TRIM45: variants seen among roughly 807,000 people sequenced by gnomAD.
TRIM45 encodes tripartite motif containing 45, also known as E3 ubiquitin-protein ligase TRIM45.
In TRIM45, 45 loss-of-function variants were observed where a neutral mutation model predicts 46.7. The ratio of observed to expected loss-of-function variants is 0.96; its 90% CI spans 0.76 to 1.24. The LOEUF is 1.24. Among genes scored for constraint, TRIM45 ranks in the 50% most tolerant of loss-of-function variants. The pLI is 0.00. For missense variants in TRIM45, 680 were observed against 728.4 expected, an observed-to-expected ratio of 0.93 and a Z score of 0.77; for synonymous variants, 259 against 285.8, an observed-to-expected ratio of 0.91 and a Z score of 0.94.
intron 1 of TRIM45, among the ~76,000 whole-genome samples, chr1:117,119,666 CTCTT>C (rs1478806640): frequency 2.6e-5 from 4 of 151,964 alleles, no homozygotes; most frequent in Non-Finnish European, 5.9e-5. Context: ...AATCAAAGCT[CTCTT>C]TCTAATTCCT....
In TRIM45 at chr1:117,113,629, A is replaced by G. The variant is rs773979073; in HGVS notation, c.1468-144T>C. 7.1e-6 allele frequency: 8 copies of G among 1,122,586 alleles called. No individual in the cohort carries two copies. The highest frequency in any genetic ancestry group is 9.9e-6 in the Non-Finnish European group (8 of 811,618). The allele number at this position is 1,122,586 out of a possible 1,614,324, so 69.5% of individuals were successfully genotyped here. A position where few individuals can be genotyped will look rare whatever the true frequency, so the allele number is the denominator to read the frequency against. On this transcript the variant is annotated intron_variant, in intron 4 of 5. Transcript: ENST00000256649. The surrounding 1 kb of genome is among the most constrained non-coding windows in gnomAD (Gnocchi z 4.0). ...CAACAGGAAAGAAACAGATTAGAGG[A>G]CAAGAACCCTGCTCAGCTGAGAGGA...
rs1415775824 is a variant in TRIM45 at position 117,118,122 on chromosome 1, C to T, written c.1134G>A (p.Glu378=). 3.1e-6 allele frequency: 5 copies of T among 1,614,124 alleles called. No individual in the cohort carries two copies. Among genetic ancestry groups the T allele is most frequent in the Non-Finnish European group, 4.2e-6 (5 of 1,180,060 alleles). Residue 378 remains glutamate (E), a synonymous_variant, in exon 2 of 6, where the codon GAG becomes GAA. Coordinates refer to ENST00000256649, the MANE Select transcript of TRIM45 (RefSeq NM_025188.4). This position sits in a 1 kb window ranked among gnomAD's most constrained non-coding sequence, Gnocchi z 5.7. ...VNDKIRFCPQ[E]KAGQCRGYEI... is the part of the protein sequence containing the mutation. Reference sequence around the variant, plus strand: ...CATAGCCACGGCACTGGCCTGCTTTCTCCTGAGGACAGAAGCGTATCTTAT... The same window carrying T: ...CATAGCCACGGCACTGGCCTGCTTTTTCCTGAGGACAGAAGCGTATCTTAT...
At chr1:117,123,260 C>T (rs2101368647), upstream of TRIM45, among the ~76,000 whole-genome samples, 1 of 152,264 alleles carries the variant, frequency 6.6e-6, no homozygotes, top group Admixed American at 6.5e-5. Context: ...ATTCGCCTCT[C>T]CAGTAGGCTG....
At position 117,115,381 on chromosome 1, in the gene TRIM45, A is replaced by G. The variant is rs1378448155; in HGVS notation, c.1467+194T>C. On this transcript the variant is annotated intron_variant, in intron 4 of 5. Coordinates refer to ENST00000256649, the MANE Select transcript of TRIM45 (RefSeq NM_025188.4). This position sits in a 1 kb window ranked among gnomAD's most constrained non-coding sequence, Gnocchi z 4.2. Reference sequence around the variant, plus strand: ...ATAACTGCCTGGAGGTGACACAGGGATACAGGGTTCTTATGGTCAACAGCA... The same window carrying G: ...ATAACTGCCTGGAGGTGACACAGGGGTACAGGGTTCTTATGGTCAACAGCA... 1.3e-5 allele frequency among the ~76,000 whole-genome samples: 2 copies of G among 152,226 alleles called. No homozygotes were observed. The highest frequency in any genetic ancestry group is 6.5e-5 in the Admixed American group (1 of 15,282).
rs1308969381 is a variant in TRIM45, at chr1:117,118,981, C to T, written c.489-214G>A. ...CTGAAAGAGCTGTTGTATAGAATAA[C>T]GTGTGAACAGACTAGGGCTCTGGCT... is the stretch of plus-strand genomic sequence containing the variant. On this transcript the variant is annotated intron_variant, in intron 1 of 5. Coordinates refer to ENST00000256649, the MANE Select transcript of TRIM45 (RefSeq NM_025188.4). This position sits in a 1 kb window ranked among gnomAD's most constrained non-coding sequence, Gnocchi z 5.7. Among the ~76,000 whole-genome samples the T allele has an allele frequency of 2.0e-5, 3 of 152,208 alleles. No homozygotes were observed.
At chr1:117,123,625 C>CT (rs111567538), upstream of TRIM45, among the ~76,000 whole-genome samples, 2,308 of 143,974 alleles carry the variant, frequency 0.016, 40 homozygotes, top group African/African-American at 0.049. Context: ...CTACCTTTCC[C>CT]TTTTTTTTTT....
At position 117,118,456 on chromosome 1, in the gene TRIM45, T is replaced by A; in HGVS notation, c.800A>T (p.Gln267Leu). ...AGCTGCCACTGCCTCCACTCGCTTCTGGAGGGCACTGTTTATTATGTGGAT... is the reference window on the plus strand; with the variant it reads ...AGCTGCCACTGCCTCCACTCGCTTCAGGAGGGCACTGTTTATTATGTGGAT... Reference protein sequence around the residue: ...AQIHIINSALQKRVEAVAADV... With the variant: ...AQIHIINSALLKRVEAVAADV... The change falls in exon 2 of 6, where the codon CAG (glutamine) becomes CTG (leucine). Residue 267 changes from glutamine to leucine, a missense_variant. By Grantham distance (113) the Gln-to-Leu change is moderately radical. This residue lies in a region of TRIM45 where 349 missense variants were observed against 343.6 expected (regional missense o/e 1.02). Coordinates refer to ENST00000256649, the MANE Select transcript of TRIM45 (RefSeq NM_025188.4). This position sits in a 1 kb window ranked among gnomAD's most constrained non-coding sequence, Gnocchi z 5.7. The A allele has an allele frequency of 6.2e-7, 1 of 1,614,016 alleles. No homozygotes were observed. The highest frequency in any genetic ancestry group is 2.2e-5 in the East Asian group (1 of 44,884).
chr1:117,113,871 C>G lies in TRIM45; in HGVS notation c.1468-386G>C, dbSNP rs533636766. 1.6e-4 allele frequency among the ~76,000 whole-genome samples: 25 copies of G among 152,338 alleles called. No homozygotes were observed. The highest frequency in any genetic ancestry group is 6.0e-4 in the African/African-American group (25 of 41,576). On this transcript the variant is annotated intron_variant, in intron 4 of 5. Coordinates refer to ENST00000256649, the MANE Select transcript of TRIM45 (RefSeq NM_025188.4). The surrounding 1 kb of genome is among the most constrained non-coding windows in gnomAD (Gnocchi z 4.0). ...GGCAAGATGGCAGCAAAAGCAGAAG[C>G]CCATGCCACAATAAGCTTAAGCTTT... is the stretch of plus-strand genomic sequence containing the variant.
At chr1:117,122,762 A>T (rs1050103751), upstream of TRIM45, among the ~76,000 whole-genome samples, 1 of 152,146 alleles carries the variant, frequency 6.6e-6, no homozygotes, top group African/African-American at 2.4e-5. Flanking sequence ...TTACACGGCC[A>T]CCTTCTCTGG....
chr1:117,119,269 C>A (rs1431952032), intron 1 of TRIM45, among the ~76,000 whole-genome samples: 2 of 152,182 alleles, frequency 1.3e-5, no homozygotes, highest in Non-Finnish European at 1.5e-5. Context: ...CCCAAATCAG[C>A]AGGCTAGAAT....
At position 117,115,285 on chromosome 1, in the gene TRIM45, C is replaced by G. The variant is rs376744553; in HGVS notation, c.1467+290G>C. Among the ~76,000 whole-genome samples, 55 of 152,052 alleles carry G rather than the reference C, an allele frequency of 3.6e-4. No homozygotes were observed. The highest frequency in any genetic ancestry group is 6.9e-4 in the Non-Finnish European group (47 of 67,996). ...ATGGTTGTCTGCTGGCAGATCACCC[C>G]CTGTGATCAAGACATCTTCTCCATA... On this transcript the variant is annotated intron_variant, in intron 4 of 5. Coordinates refer to ENST00000256649, the MANE Select transcript of TRIM45 (RefSeq NM_025188.4). This position sits in a 1 kb window ranked among gnomAD's most constrained non-coding sequence, Gnocchi z 4.2.
chr1:117,121,158 A>G lies in TRIM45; in HGVS notation c.44T>C (p.Leu15Pro). 1 of 1,589,480 alleles carries G rather than the reference A, an allele frequency of 6.3e-7. No individual in the cohort carries two copies. Among genetic ancestry groups the G allele is most frequent in the Non-Finnish European group, 8.6e-7 (1 of 1,168,916 alleles). Residue 15 changes from leucine to proline, a missense_variant, in exon 1 of 6, where the codon CTC becomes CCC. By Grantham distance (98) the Leu-to-Pro change is moderately conservative. This residue lies in a region of TRIM45 where 349 missense variants were observed against 343.6 expected (regional missense o/e 1.02). Transcript: ENST00000256649. The surrounding 1 kb of genome is among the most constrained non-coding windows in gnomAD (Gnocchi z 4.2). ...GTTCCCAAGTGCAGTCCCACTAGTG[A>G]GTTTGCTTACAAAGCCCAGCAGCGG... ...RKPLLGFVSK[L>P]TSGTALGNSG...
chr1:117,116,552 G>A lies in TRIM45; in HGVS notation c.1352+64C>T. On this transcript the variant is annotated intron_variant, in intron 3 of 5. Transcript: ENST00000256649. The surrounding 1 kb of genome is among the most constrained non-coding windows in gnomAD (Gnocchi z 4.6). ...CTGTGCCCAGCTCCAATATCTTAAA[G>A]GACCTCATGTTTCCAGTTTTCTCAC... 6.3e-7 allele frequency: 1 copy of A among 1,591,394 alleles called. No individual in the cohort carries two copies. The highest frequency in any genetic ancestry group is 8.6e-7 in the Non-Finnish European group (1 of 1,167,478).
Position 117,113,410 on chromosome 1 carries a change from A to C in TRIM45, c.1543T>G (p.Ser515Ala). The C allele has an allele frequency of 1.2e-6, 2 of 1,612,378 alleles. No homozygotes were observed. The highest frequency in any genetic ancestry group is 1.7e-6 in the Non-Finnish European group (2 of 1,179,942). Reference sequence around the variant, plus strand: ...CGAGCGGTTTTCTGGCCCCCGCTGGAGCAGAAGGTGCAGCAGTGAAACACG... The same window carrying C: ...CGAGCGGTTTTCTGGCCCCCGCTGGCGCAGAAGGTGCAGCAGTGAAACACG... The part of the protein sequence containing the change: ...SGVFHCCTFC[S>A]SGGQKTARCA... Residue 515 changes from serine (S) to alanine (A), a missense_variant, in exon 5 of 6, where the codon TCC (serine) becomes GCC (alanine). This residue lies in a region of TRIM45 where 322 missense variants were observed against 359.3 expected (regional missense o/e 0.90). Coordinates refer to ENST00000256649, the MANE Select transcript of TRIM45 (RefSeq NM_025188.4). This position sits in a 1 kb window ranked among gnomAD's most constrained non-coding sequence, Gnocchi z 4.0.
chr1:117,120,916 C>T lies in TRIM45; in HGVS notation c.286G>A (p.Val96Ile). 1 of 1,614,202 alleles carries T rather than the reference C, an allele frequency of 6.2e-7. No individual in the cohort carries two copies. Among genetic ancestry groups the T allele is most frequent in the Non-Finnish European group, 8.5e-7 (1 of 1,180,034 alleles). ...LQSQIGILCPVCDAQVDLPMG... is the reference protein window; with the variant it reads ...LQSQIGILCPICDAQVDLPMG... ...GGCAGGTCCACCTGAGCATCACATA[C>T]AGGACAAAGGATGCCGATCTGCGAC... Residue 96 changes from valine (V) to isoleucine (I), a missense_variant, in exon 1 of 6, where the codon GTA (valine) becomes ATA (isoleucine). Coordinates refer to ENST00000256649, the MANE Select transcript of TRIM45 (RefSeq NM_025188.4).
Position 117,116,875 on chromosome 1 carries a change from T to G in TRIM45, c.1223-130A>C. On this transcript the variant is annotated intron_variant, in intron 2 of 5. Transcript: ENST00000256649. The surrounding 1 kb of genome is among the most constrained non-coding windows in gnomAD (Gnocchi z 4.6). The stretch of plus-strand genomic sequence containing the variant: ...CCACCCTGGGTCCCTTTGTTTTCTC[T>G]TCCCCTTCTGCCTCCCAGAGTACGC... 2 of 1,295,486 alleles carry G rather than the reference T, an allele frequency of 1.5e-6. No individual in the cohort carries two copies. Among genetic ancestry groups the G allele is most frequent in the Non-Finnish European group, 2.1e-6 (2 of 950,958 alleles). 80.2% of individuals were successfully genotyped at this position (1,295,486 alleles called of 1,614,324 possible).
In TRIM45 at chr1:117,117,931, C is replaced by G; in HGVS notation, c.1222+103G>C. ...CAGTTTATCTCCCCACCTTTGGTAA[C>G]CTGGTCAGTAGGGCATGCTTCCTAG... On this transcript the variant is annotated intron_variant, in intron 2 of 5. Coordinates refer to ENST00000256649, the MANE Select transcript of TRIM45 (RefSeq NM_025188.4). This position sits in a 1 kb window ranked among gnomAD's most constrained non-coding sequence, Gnocchi z 4.9. 1 of 1,441,992 alleles carries G rather than the reference C, an allele frequency of 6.9e-7. No homozygotes were observed. Among genetic ancestry groups the G allele is most frequent in the Non-Finnish European group, 9.4e-7 (1 of 1,063,410 alleles). 89.3% of individuals were successfully genotyped at this position (1,441,992 alleles called of 1,614,324 possible).
Position 117,112,147 on chromosome 1 carries a change from A to T in TRIM45, c.*158T>A. 1.4e-6 allele frequency: 1 copy of T among 739,074 alleles called. No homozygotes were observed. The highest frequency in any genetic ancestry group is 1.9e-6 in the Non-Finnish European group (1 of 518,774). 45.8% of individuals were successfully genotyped at this position (739,074 alleles called of 1,614,324 possible). On this transcript the variant is annotated 3_prime_UTR_variant, in exon 6 of 6. Transcript: ENST00000256649. The stretch of plus-strand genomic sequence containing the variant: ...TTGTGCTCAACCATCCACAAGTACA[A>T]TCAGTGAATAACTAACAAAAGAGCA...
chr1:117,112,209 A>T lies in TRIM45; in HGVS notation c.*96T>A. 7.9e-7 allele frequency: 1 copy of T among 1,260,714 alleles called. No homozygotes were observed. Among genetic ancestry groups the T allele is most frequent in the Non-Finnish European group, 1.0e-6 (1 of 970,930 alleles). 78.1% of individuals were successfully genotyped at this position (1,260,714 alleles called of 1,614,324 possible). ...GTGCAAGATAAGGCACTTTGTTTTT[A>T]ATTCTATCAGTCTCTTTAGAATGAA... is the stretch of plus-strand genomic sequence containing the variant. On this transcript the variant is annotated 3_prime_UTR_variant, in exon 6 of 6. Coordinates refer to ENST00000256649, the MANE Select transcript of TRIM45 (RefSeq NM_025188.4).
Sources: allele counts gnomAD v4.1 joint callset (sites outside exome capture counted in the v4.1 genomes callset), GRCh38; gene constraint gnomAD v4.1.1; regional missense constraint gnomAD v4.1.1; non-coding constraint Gnocchi (gnomAD v3.1); transcripts MANE v1.5; gene names NCBI Gene and HGNC (gene_info 2026-07-23, HGNC 2026-07-21).